Variants in MEI1 observed in about 807,000 individuals in gnomAD.
MEI1 encodes meiotic double-stranded break formation protein 1.
In MEI1, 103 loss-of-function variants were observed where a neutral mutation model predicts 146.2. That is an observed-to-expected ratio of 0.70 (90% confidence interval 0.60 to 0.83). MEI1 has a LOEUF of 0.83. MEI1 is among the 40% of genes least tolerant of loss of function. MEI1 has a pLI of 0.00. For synonymous variants in MEI1, 652 were observed against 628.2 expected (o/e 1.04, Z -0.57); for missense variants, 1,529 against 1,533.0 (o/e 1.00, Z 0.04).
chr22:41,760,227 G>A (rs1273332778), intron 18 of MEI1, among the ~76,000 whole-genome samples: 9 of 150,760 alleles, frequency 6.0e-5, no homozygotes, highest in East Asian at 2.0e-4. Flanking sequence ...GGAGAATGGC[G>A]TGAACCTGGG....
At position 41,741,702 on chromosome 22, in the gene MEI1, G is replaced by A. The variant is rs997805397; in HGVS notation, c.1332-1378G>A. 4.6e-5 allele frequency among the ~76,000 whole-genome samples: 7 copies of A among 152,206 alleles called. No individual in the cohort carries two copies. The South Asian group carries it at 8.3e-4, about 18-fold the overall frequency. On this transcript the variant is annotated intron_variant, in intron 11 of 30. Transcript: ENST00000401548. Reference sequence around the variant, plus strand: ...GAAAATTCTCAGGCTGATGCTGGGCGTGGTGGCTCACGCTTGTAATTCCAG... The same window carrying A: ...GAAAATTCTCAGGCTGATGCTGGGCATGGTGGCTCACGCTTGTAATTCCAG...
chr22:41,731,685 G>A (rs1166180414), intron 9 of MEI1, among the ~76,000 whole-genome samples: 2 of 152,160 alleles, frequency 1.3e-5, no homozygotes, highest in African/African-American at 2.4e-5. Flanking sequence ...GATTTTTAGA[G>A]TAGGCACATT....
intron 26 of MEI1, among the ~76,000 whole-genome samples, chr22:41,785,847 A>G (rs2075953368): frequency 6.7e-6 from 1 of 150,082 alleles, no homozygotes; most frequent in South Asian, 2.1e-4. Flanking sequence ...TACAGGAATG[A>G]GCCACCACAC....
intron 1 of MEI1, among the ~76,000 whole-genome samples, chr22:41,702,916 C>T (rs1203145320): frequency 2.0e-5 from 3 of 152,070 alleles, no homozygotes; most frequent in Non-Finnish European, 4.4e-5. Context: ...GATAGAGTTG[C>T]ACCATGTTGG....
intron 11 of MEI1, among the ~76,000 whole-genome samples, chr22:41,740,144 C>T (rs8139144): frequency 1.3e-5 from 2 of 151,680 alleles, no homozygotes; most frequent in African/African-American, 2.4e-5. Flanking sequence ...CTTAGCCTCG[C>T]GAGTAGCTGG....
In MEI1 at chr22:41,795,623, G is replaced by T; in HGVS notation, c.3666+81G>T. 6.3e-7 allele frequency: 1 copy of T among 1,599,676 alleles called. No homozygotes were observed. The highest frequency in any genetic ancestry group is 2.2e-5 in the East Asian group (1 of 44,618). On this transcript the variant is annotated intron_variant, in intron 29 of 30. Coordinates refer to ENST00000401548, the MANE Select transcript of MEI1 (RefSeq NM_152513.4). This position sits in a 1 kb window ranked among gnomAD's most constrained non-coding sequence, Gnocchi z 4.2. ...CTTCTCTTGGAGGGTGGGAGCTCTG[G>T]CCACAGCAACCAAGGAATGGGAGGA...
chr22:41,759,039 A>G (rs1444307261), intron 18 of MEI1, among the ~76,000 whole-genome samples: 1 of 152,156 alleles, frequency 6.6e-6, no homozygotes, highest in Non-Finnish European at 1.5e-5. Flanking sequence ...GCTACTCTGG[A>G]GGCTGAGACA....
chr22:41,783,854 G>A (rs942365843), intron 24 of MEI1, among the ~76,000 whole-genome samples: 1 of 151,882 alleles, frequency 6.6e-6, no homozygotes, highest in Non-Finnish European at 1.5e-5. Flanking sequence ...TAATGTTTTT[G>A]TATTTTCTTG....
At chr22:41,732,776 A>T (rs1030459172) in intron 11 of MEI1, among the ~76,000 whole-genome samples, 173 bp downstream of exon 11, 148 of 133,820 alleles carry the variant, frequency 1.1e-3, no homozygotes, top group Non-Finnish European at 1.7e-3. Context: ...GGATTGAAAA[A>T]TTTTTTTTTT....
intron 7 of MEI1, among the ~76,000 whole-genome samples, chr22:41,725,782 C>A (rs1447490984): frequency 6.6e-6 from 1 of 152,206 alleles, no homozygotes; most frequent in East Asian, 1.9e-4. Flanking sequence ...GAATGTGACC[C>A]ACTGTCACCG....
intron 23 of MEI1, 99 bp from the exon 24 acceptor site, chr22:41,781,586 T>C (rs1602130112): frequency 7.8e-7 from 1 of 1,275,606 alleles, no homozygotes; most frequent in Non-Finnish European, 1.0e-6. Flanking sequence ...GATCCTCTGT[T>C]TGTTTGTGAA....
At chr22:41,707,441 G>T (rs2069178878) in intron 3 of MEI1, among the ~76,000 whole-genome samples, 1 of 152,118 alleles carries the variant, frequency 6.6e-6, no homozygotes. Flanking sequence ...ATGCAATGAA[G>T]GTGGTTCTGG....
Position 41,745,904 on chromosome 22 carries a change from A to G in MEI1, c.1558A>G (p.Ser520Gly), listed in dbSNP as rs1282686685. The G allele has an allele frequency of 5.6e-6, 9 of 1,611,066 alleles. No individual in the cohort carries two copies. In the Admixed American group the frequency reaches 6.7e-5, roughly 12 times the overall value. The change falls in exon 14 of 31, where the codon AGT (serine) becomes GGT (glycine). Residue 520 changes from serine (S) to glycine (G), a missense_variant. Coordinates refer to ENST00000401548, the MANE Select transcript of MEI1 (RefSeq NM_152513.4). ...TCTTAGGTTGGCTATAGAATTCCAG[A>G]GTGAGCCTTCAGCCCAGGAGAATCC... is the stretch of plus-strand genomic sequence containing the variant. ...SACRLAIEFQ[S>G]EPSAQENPFT... is the part of the protein sequence containing the mutation.
At chr22:41,757,098 T>C (rs1275306033) in intron 17 of MEI1, among the ~76,000 whole-genome samples, 1 of 152,160 alleles carries the variant, frequency 6.6e-6, no homozygotes, top group African/African-American at 2.4e-5. Context: ...TGTTTCTTTC[T>C]TTCTTTCTTT....
rs199669858 is a variant in MEI1, at chr22:41,732,249, C to T, written c.1101C>T (p.Ile367=). The stretch of plus-strand genomic sequence containing the variant: ...TGTCATGTCATCCTGTGGTAGGGAT[C>T]GAGGCAGTGGTGAGGAGCCTGCAGG... ...FFSKCHTVYG[I]EAVVRSLQGS... Residue 367 remains isoleucine (I), a synonymous_variant, in exon 10 of 31, where the codon ATC becomes ATT. Coordinates refer to ENST00000401548, the MANE Select transcript of MEI1 (RefSeq NM_152513.4). 1.5e-4 allele frequency: 248 copies of T among 1,607,838 alleles called. No individual in the cohort carries two copies. The highest frequency in any genetic ancestry group is 1.9e-4 in the Non-Finnish European group (222 of 1,177,312).
intron 20 of MEI1, among the ~76,000 whole-genome samples, chr22:41,773,321 C>G (rs1003049527): frequency 6.6e-6 from 1 of 152,106 alleles, no homozygotes; most frequent in Non-Finnish European, 1.5e-5. Context: ...TCAGTTTTCT[C>G]CCACAGAAAA....
rs200811358 is a variant in MEI1 at position 41,776,105 on chromosome 22, C to T, written c.2548C>T (p.Leu850Phe). ...IPSILLILLD[L>F]IYSSPVDTAH... ...GGCTTTCTTCTCTCCTGCTCAGGAC[C>T]TCATCTATTCCAGCCCAGTGGACAC... Residue 850 changes from leucine (L) to phenylalanine (F), a missense_variant, in exon 21 of 31, where the codon CTC becomes TTC. Physicochemically the swap from Leu to Phe is conservative, Grantham distance 22 (BLOSUM62 0). Transcript: ENST00000401548. 8.1e-6 allele frequency: 13 copies of T among 1,613,808 alleles called. No individual in the cohort carries two copies. The East Asian group carries it at 8.9e-5, about 11-fold the overall frequency.
At chr22:41,733,536 C>T (rs2072055239) in intron 11 of MEI1, among the ~76,000 whole-genome samples, 1 of 151,982 alleles carries the variant, frequency 6.6e-6, no homozygotes, top group Non-Finnish European at 1.5e-5. Context: ...GCAGGTGGAT[C>T]ACTTGAGTCA....
chr22:41,779,527 C>T (rs1274996656), intron 22 of MEI1, among the ~76,000 whole-genome samples: 2 of 152,190 alleles, frequency 1.3e-5, no homozygotes, highest in Non-Finnish European at 2.9e-5. Flanking sequence ...TCAGCTTAGT[C>T]ACTAGCAATC....
Sources: gnomAD v4.1 joint callset for allele counts (sites outside exome capture counted in the v4.1 genomes callset) on GRCh38, gnomAD v4.1.1 for gene constraint, Gnocchi (gnomAD v3.1) non-coding constraint, MANE v1.5 for transcripts, NCBI Gene and HGNC (gene_info 2026-07-23, HGNC 2026-07-21) for gene names.